Variants in DLG2 observed in about 807,000 individuals in gnomAD.
DLG2 encodes the protein discs large MAGUK scaffold protein 2.
DLG2 carries 45 observed loss-of-function variants against 132.5 expected under a neutral mutation model. That is an observed-to-expected ratio of 0.34 (90% CI 0.27 to 0.44). The LOEUF is 0.44. Among genes scored for constraint, DLG2 ranks in the 20% least tolerant of loss-of-function variants. The pLI, the probability that DLG2 is intolerant of heterozygous loss-of-function variation, is 1.00. For synonymous variants in DLG2, 424 were observed against 419.6 expected (o/e 1.01, Z -0.13); for missense variants, 1,045 against 1,196.9 (o/e 0.87, Z 1.87).
At chr11:83,552,139 T>C (rs1427411000) in intron 19 of DLG2, among the ~76,000 whole-genome samples, 1 of 152,084 alleles carries the variant, frequency 6.6e-6, no homozygotes, top group Non-Finnish European at 1.5e-5. Flanking sequence ...ACATAATAAA[T>C]AGGCAAATAG....
At chr11:83,460,399 G>A (rs922552583) in intron 27 of DLG2, among the ~76,000 whole-genome samples, 1 of 152,184 alleles carries the variant, frequency 6.6e-6, no homozygotes, top group African/African-American at 2.4e-5. Flanking sequence ...TTAGAGGGAA[G>A]TTTAGTTAGC....
At chr11:85,117,844 T>G (rs1488868875) in intron 5 of DLG2, among the ~76,000 whole-genome samples, 1 of 152,014 alleles carries the variant, frequency 6.6e-6, no homozygotes, top group African/African-American at 2.4e-5. Flanking sequence ...ATTAAGTGAT[T>G]GTAGGACTTT....
chr11:84,738,230 C>A (rs1466063887), intron 6 of DLG2, among the ~76,000 whole-genome samples: 5 of 149,622 alleles, frequency 3.3e-5, no homozygotes, highest in Non-Finnish European at 7.4e-5. Flanking sequence ...TTTTCTTTTT[C>A]TTTTTTTTTG....
At chr11:84,926,834 G>A (rs2092995025) in intron 6 of DLG2, among the ~76,000 whole-genome samples, 6 of 152,050 alleles carry the variant, frequency 3.9e-5, no homozygotes, top group Admixed American at 3.9e-4. Flanking sequence ...GTCAGGGAAT[G>A]ATTGTGAGAG....
intron 13 of DLG2, among the ~76,000 whole-genome samples, chr11:83,963,873 G>A (rs1031758626): frequency 1.3e-5 from 2 of 151,942 alleles, no homozygotes; most frequent in Admixed American, 6.6e-5. Context: ...TCATTCTGAA[G>A]ATGCAACTGA....
chr11:84,251,016 T>C (rs2097365057), intron 8 of DLG2, among the ~76,000 whole-genome samples: 1 of 152,222 alleles, frequency 6.6e-6, no homozygotes, highest in South Asian at 2.1e-4. Flanking sequence ...TTTATTTTTG[T>C]TTCATAATGG....
intron 17 of DLG2, among the ~76,000 whole-genome samples, chr11:83,826,961 T>C (rs2040309): frequency 0.45 from 68,703 of 151,938 alleles, 15,732 homozygotes; most frequent in Middle Eastern, 0.63. Flanking sequence ...TCCTCTTTAG[T>C]ATTTCAGAGC....
At chr11:84,858,181 C>A (rs1437273272) in intron 6 of DLG2, among the ~76,000 whole-genome samples, 1 of 152,090 alleles carries the variant, frequency 6.6e-6, no homozygotes, top group Middle Eastern at 3.2e-3. Context: ...GCGTGAGCCA[C>A]CATGCCCAGC....
chr11:83,974,319 C>G (rs2091875736), intron 12 of DLG2, among the ~76,000 whole-genome samples: 1 of 152,004 alleles, frequency 6.6e-6, no homozygotes, highest in Admixed American at 6.6e-5. Flanking sequence ...AACTAATACT[C>G]ATTCAGAAAC....
intron 8 of DLG2, among the ~76,000 whole-genome samples, chr11:84,196,612 C>T (rs893077344): frequency 2.0e-5 from 3 of 152,122 alleles, no homozygotes; most frequent in African/African-American, 7.2e-5. Flanking sequence ...ATTTAACTAA[C>T]TGGTATTTTA....
At chr11:83,640,668 T>G (rs1314198977) in intron 18 of DLG2, among the ~76,000 whole-genome samples, 1 of 152,206 alleles carries the variant, frequency 6.6e-6, no homozygotes, top group Non-Finnish European at 1.5e-5. Context: ...CATAGTTACT[T>G]GTAATTTTCT....
At position 85,321,151 on chromosome 11, in the gene DLG2, T is replaced by C. The variant is rs562976135; in HGVS notation, c.41-35786A>G. Among the ~76,000 whole-genome samples, 90 of 152,056 alleles carry C rather than the reference T, an allele frequency of 5.9e-4. No homozygotes were observed. The South Asian group carries it at 6.2e-3, about 11-fold the overall frequency. Reference sequence around the variant, plus strand: ...AAGTGATGAAAAAATATTGGATATATTTTGAAGATAGGGAGAAAGAGATTT... The same window carrying C: ...AAGTGATGAAAAAATATTGGATATACTTTGAAGATAGGGAGAAAGAGATTT... On this transcript the variant is annotated intron_variant, in intron 3 of 27. Coordinates refer to ENST00000376104, the MANE Select transcript of DLG2 (RefSeq NM_001142699.3).
chr11:83,469,084 T>C, intron 25 of DLG2, 117 bp downstream of exon 25: 1 of 767,308 alleles, frequency 1.3e-6, no homozygotes, highest in Non-Finnish European at 2.1e-6. Context: ...TTTTAAATTA[T>C]TAAATCAAAA....
At chr11:84,893,521 T>G (rs2089746311) in intron 6 of DLG2, among the ~76,000 whole-genome samples, 1 of 152,156 alleles carries the variant, frequency 6.6e-6, no homozygotes, top group Non-Finnish European at 1.5e-5. Context: ...CTCAGGTCCC[T>G]TCTTCCTATG....
chr11:84,861,640 C>CAAAACAAA (rs1600101856), intron 6 of DLG2, among the ~76,000 whole-genome samples: 20 of 75,636 alleles, frequency 2.6e-4, no homozygotes, highest in African/African-American at 7.3e-4. Context: ...AAAAAAAAAA[C>CAAAACAAA]AAAAAAAAAA....
At chr11:84,488,185 A>G (rs1567762876) in intron 7 of DLG2, among the ~76,000 whole-genome samples, 1 of 152,190 alleles carries the variant, frequency 6.6e-6, no homozygotes, top group South Asian at 2.1e-4. Flanking sequence ...TTTTAGAATT[A>G]GAAAACAACC....
At chr11:84,825,121 G>C (rs906297156) in intron 6 of DLG2, among the ~76,000 whole-genome samples, 2 of 151,806 alleles carry the variant, frequency 1.3e-5, no homozygotes, top group Non-Finnish European at 2.9e-5. Context: ...ACAATGTTTG[G>C]TGGGGAATCA....
intron 6 of DLG2, among the ~76,000 whole-genome samples, chr11:84,557,941 C>T (rs1257193305): frequency 6.6e-6 from 1 of 152,006 alleles, no homozygotes; most frequent in Non-Finnish European, 1.5e-5. Context: ...AAACTATCAG[C>T]AACATATGAG....
intron 6 of DLG2, among the ~76,000 whole-genome samples, chr11:84,869,876 T>A (rs1364962700): frequency 6.6e-6 from 1 of 152,234 alleles, no homozygotes; most frequent in Non-Finnish European, 1.5e-5. Context: ...TTTCAGGGTT[T>A]TCCTAAACTA....
Sources: gnomAD v4.1 joint callset for allele counts (sites outside exome capture counted in the v4.1 genomes callset) on GRCh38, gnomAD v4.1.1 for gene constraint, MANE v1.5 for transcripts, NCBI Gene and HGNC (gene_info 2026-07-23, HGNC 2026-07-21) for gene names.